The following ETNK1 variants were observed in gnomAD, a reference collection of about 807,000 sequenced individuals.
ETNK1 encodes putative protein product of Nbla10396.
In ETNK1, 8 loss-of-function variants were observed where a neutral mutation model predicts 45.1. That is an observed-to-expected ratio of 0.18 (90% CI 0.10 to 0.32). The LOEUF (loss-of-function observed/expected upper bound fraction) is 0.32. Ranked by LOEUF, ETNK1 falls within the 10% of genes least tolerant of loss-of-function variation. The pLI is 1.00. For missense variants in ETNK1, 302 were observed against 430.6 expected, an observed-to-expected ratio of 0.70 and a Z score of 2.64; for synonymous variants, 152 against 151.9, an observed-to-expected ratio of 1.00 and a Z score of -0.01.
At chr12:22,666,228 C>T (rs201743349) in intron 4 of ETNK1, among the ~76,000 whole-genome samples, 17 of 152,130 alleles carry the variant, frequency 1.1e-4, no homozygotes, top group African/African-American at 3.4e-4. Context: ...TGGTAAGCAG[C>T]GGCCCATTCC....
intron 4 of ETNK1, among the ~76,000 whole-genome samples, chr12:22,666,297 G>A (rs748781183): frequency 2.0e-5 from 3 of 152,162 alleles, no homozygotes; most frequent in Non-Finnish European, 4.4e-5. Context: ...ATGATATGGT[G>A]ATAGAATTTG....
intron 2 of ETNK1, among the ~76,000 whole-genome samples, chr12:22,650,310 C>G (rs188083818): frequency 6.6e-6 from 1 of 150,400 alleles, no homozygotes; most frequent in African/African-American, 2.4e-5. Context: ...ACTTTCAGTA[C>G]AGTGTTAAAA....
chr12:22,661,146 C>G lies in ETNK1; in HGVS notation c.641C>G (p.Pro214Arg). The G allele has an allele frequency of 6.2e-7, 1 of 1,612,454 alleles. No homozygotes were observed. The highest frequency in any genetic ancestry group is 8.5e-7 in the Non-Finnish European group (1 of 1,179,426). The change falls in exon 4 of 8, where the codon CCT becomes CGT. Residue 214 changes from proline (P) to arginine (R), a missense_variant. By Grantham distance (103) the Pro-to-Arg change is moderately radical. This residue lies in a region of ETNK1 where 205 missense variants were observed against 259.9 expected (regional missense o/e 0.79). Coordinates refer to ENST00000266517, the MANE Select transcript of ETNK1 (RefSeq NM_018638.5). Reference protein sequence around the residue: ...MKEILSNLGSPVVLCHNDLLC... With the variant: ...MKEILSNLGSRVVLCHNDLLC... ...GAGATTCTTTCCAACCTGGGCTCAC[C>G]TGTTGTGCTTTGCCATAATGACCTA...
chr12:22,643,616 T>TAA, intron 1 of ETNK1, 147 bp from the exon 2 acceptor site: 1 of 568,974 alleles, frequency 1.8e-6, no homozygotes, highest in Non-Finnish European at 3.0e-6. Context: ...AGATGTTAGA[T>TAA]AAAATTGTAT....
intron 6 of ETNK1, among the ~76,000 whole-genome samples, chr12:22,680,902 C>T (rs958599265): frequency 4.4e-5 from 6 of 136,720 alleles, no homozygotes; most frequent in African/African-American, 1.6e-4. Flanking sequence ...CCCCGCCCCC[C>T]CCTCCATTAT....
intron 4 of ETNK1, among the ~76,000 whole-genome samples, chr12:22,663,149 A>G (rs1954023493): frequency 6.6e-6 from 1 of 152,212 alleles, no homozygotes; most frequent in Non-Finnish European, 1.5e-5. Context: ...TCTGTTATAT[A>G]TAATTATCAT....
rs1004730718 is a variant in ETNK1 at position 22,688,253 on chromosome 12, A to G, written c.*3299A>G. The G allele has an allele frequency of 6.6e-6, 1 of 151,872 alleles. No individual in the cohort carries two copies. The highest frequency in any genetic ancestry group is 2.4e-5 in the African/African-American group (1 of 41,432). The allele number at this position is 151,872 out of a possible 1,614,324, so 9.4% of individuals were successfully genotyped here. A position where few individuals can be genotyped will look rare whatever the true frequency, so the allele number is the denominator to read the frequency against. On this transcript the variant is annotated 3_prime_UTR_variant, in exon 8 of 8. Transcript: ENST00000266517. ...CTTTAGTTCAACTTAAGCATATCTC[A>G]AATGACTTCTCTAAATTTAAAGTTG...
Position 22,684,664 on chromosome 12 carries a change from G to A in ETNK1, c.1019+108G>A, listed in dbSNP as rs1187806551. On this transcript the variant is annotated intron_variant, in intron 7 of 7. Coordinates refer to ENST00000266517, the MANE Select transcript of ETNK1 (RefSeq NM_018638.5). ...TTATTTGCAATCAATTATAAAAGTT[G>A]TATACACTTAGTAATTGGTCTGTGA... is the stretch of plus-strand genomic sequence containing the variant. 16 of 848,170 alleles carry A rather than the reference G, an allele frequency of 1.9e-5. No individual in the cohort carries two copies. The East Asian group carries it at 3.1e-4, about 16-fold the overall frequency. The allele number at this position is 848,170 out of a possible 1,614,324, so 52.5% of individuals were successfully genotyped here.
intron 1 of ETNK1, among the ~76,000 whole-genome samples, chr12:22,638,221 T>A (rs186126671): frequency 5.8e-4 from 88 of 151,632 alleles, no homozygotes; most frequent in Non-Finnish European, 1.1e-3. Flanking sequence ...CCTTTTAACT[T>A]TTTTCCCCCT....
intron 2 of ETNK1, among the ~76,000 whole-genome samples, chr12:22,648,511 T>C (rs560047174): frequency 6.6e-6 from 1 of 152,198 alleles, no homozygotes; most frequent in East Asian, 1.9e-4. Context: ...CTTAGTAATA[T>C]GCATTTGTTT....
intron 1 of ETNK1, 102 bp downstream of exon 1, chr12:22,625,688 G>C (rs1435344097): frequency 1.1e-5 from 16 of 1,470,528 alleles, no homozygotes; most frequent in African/African-American, 1.4e-5. Context: ...GGAGGACCTA[G>C]GGCAACATCT....
intron 6 of ETNK1, chr12:22,682,356 A>G (rs772283213): frequency 9.2e-6 from 4 of 433,584 alleles, no homozygotes; most frequent in African/African-American, 6.1e-5. Flanking sequence ...TATCTTTTTT[A>G]TAGTTGAGAA....
chr12:22,685,178 C>T lies in ETNK1; in HGVS notation c.*224C>T. 2.5e-6 allele frequency: 1 copy of T among 401,142 alleles called. No homozygotes were observed. Among genetic ancestry groups the T allele is most frequent in the South Asian group, 5.4e-5 (1 of 18,536 alleles). The allele number at this position is 401,142 out of a possible 1,614,324, so 24.8% of individuals were successfully genotyped here. A position where few individuals can be genotyped will look rare whatever the true frequency, so the allele number is the denominator to read the frequency against. Reference sequence around the variant, plus strand: ...GTGGTGGATTAGAAATGTGTTAAATCTGCAAAAGGTATAAAGATGTCAGTT... The same window carrying T: ...GTGGTGGATTAGAAATGTGTTAAATTTGCAAAAGGTATAAAGATGTCAGTT... On this transcript the variant is annotated 3_prime_UTR_variant, in exon 8 of 8. Transcript: ENST00000266517.
At chr12:22,684,310 C>T (rs1954240145) in intron 6 of ETNK1, among the ~76,000 whole-genome samples, 173 bp from the exon 7 acceptor site, 1 of 151,948 alleles carries the variant, frequency 6.6e-6, no homozygotes, top group Admixed American at 6.6e-5. Flanking sequence ...GATCTGTAGC[C>T]ATCTAGTGGG....
intron 4 of ETNK1, among the ~76,000 whole-genome samples, chr12:22,668,228 C>T (rs938303501): frequency 5.9e-5 from 9 of 152,132 alleles, no homozygotes; most frequent in African/African-American, 1.9e-4. Flanking sequence ...ATTAAAAATT[C>T]ATGTCTTAAA....
intron 1 of ETNK1, among the ~76,000 whole-genome samples, chr12:22,632,591 C>T (rs998724884): frequency 6.6e-6 from 1 of 151,800 alleles, no homozygotes; most frequent in African/African-American, 2.4e-5. Context: ...CTCACTGCAG[C>T]CTTGTACTCC....
intron 6 of ETNK1, 23 bp from the exon 7 acceptor site, chr12:22,684,460 G>A (rs763370825): frequency 1.2e-5 from 19 of 1,566,398 alleles, no homozygotes; most frequent in Non-Finnish European, 1.7e-5. Context: ...CATAATTTTT[G>A]ATTTTTCTTT....
At position 22,687,037 on chromosome 12, in the gene ETNK1, A is replaced by G. The variant is rs1954266304; in HGVS notation, c.*2083A>G. 6.6e-6 allele frequency: 1 copy of G among 151,630 alleles called. No homozygotes were observed. The highest frequency in any genetic ancestry group is 2.4e-5 in the African/African-American group (1 of 41,350). 9.4% of individuals were successfully genotyped at this position (151,630 alleles called of 1,614,324 possible). A position where few individuals can be genotyped will look rare whatever the true frequency, so the allele number is the denominator to read the frequency against. ...AGACTGTGCATAGCTACTAGCTGTCACACTATTGTAGGTTTTTTGGAGAGA... is the reference window on the plus strand; with the variant it reads ...AGACTGTGCATAGCTACTAGCTGTCGCACTATTGTAGGTTTTTTGGAGAGA... On this transcript the variant is annotated 3_prime_UTR_variant, in exon 8 of 8. Transcript: ENST00000266517.
At chr12:22,675,213 G>A (rs933919575) in intron 6 of ETNK1, among the ~76,000 whole-genome samples, 1 of 142,974 alleles carries the variant, frequency 7.0e-6, no homozygotes, top group Non-Finnish European at 1.6e-5. Flanking sequence ...GCGCCACCAT[G>A]CCTGGCTAAT....
Sources: gnomAD v4.1 joint callset for allele counts (sites outside exome capture counted in the v4.1 genomes callset) on GRCh38, gnomAD v4.1.1 for gene constraint, gnomAD v4.1.1 regional missense constraint, MANE v1.5 for transcripts, NCBI Gene and HGNC (gene_info 2026-07-23, HGNC 2026-07-21) for gene names.